The following FAT1 variants were observed in gnomAD, a reference collection of about 807,000 sequenced individuals.
FAT1 encodes FAT atypical cadherin 1, also known as protocadherin Fat 1.
FAT1 carries 171 observed loss-of-function variants against 329.8 expected under a neutral mutation model. That is an observed-to-expected ratio of 0.52 (90% confidence interval 0.46 to 0.59). The LOEUF is 0.59. Among genes scored for constraint, FAT1 ranks in the 20% least tolerant of loss-of-function variants. FAT1 has a pLI of 0.00. For synonymous variants in FAT1, 2,233 were observed against 2,228.6 expected (o/e 1.00, Z -0.06); for missense variants, 5,672 against 5,774.4 (o/e 0.98, Z 0.57).
chr4:186,622,303 T>C (rs1405289164), intron 9 of FAT1, among the ~76,000 whole-genome samples: 3 of 152,246 alleles, frequency 2.0e-5, no homozygotes, highest in Non-Finnish European at 2.9e-5. Flanking sequence ...GTTTTGAAGA[T>C]TGCAACAACA....
In FAT1 at chr4:186,614,260, A is replaced by G. The variant is rs375045636; in HGVS notation, c.9160T>C (p.Ser3054Pro). 50 of 1,604,120 alleles carry G rather than the reference A, an allele frequency of 3.1e-5. No homozygotes were observed. Among genetic ancestry groups the G allele is most frequent in the Non-Finnish European group, 4.2e-5 (49 of 1,176,900 alleles). The change falls in exon 12 of 27, where the codon TCT becomes CCT. Residue 3054 changes from serine (S) to proline (P), a missense_variant. Ser to Pro is a moderately conservative substitution (Grantham distance 74). Around this residue, in one of 2 missense-constraint regions of FAT1, gnomAD observed 3,966 missense variants for 3,915.2 expected, o/e 1.01. Coordinates refer to ENST00000441802, the MANE Select transcript of FAT1 (RefSeq NM_005245.4). Reference protein sequence around the residue: ...QISATDADIRSNAEITYTLLG... With the variant: ...QISATDADIRPNAEITYTLLG... ...AACGTGTAAGTAATTTCAGCGTTAG[A>G]GCGGATGTCTGCGTCTGTAGCAGAG...
intron 2 of FAT1, among the ~76,000 whole-genome samples, chr4:186,706,196 A>G (rs1247356428): frequency 6.6e-6 from 1 of 152,264 alleles, no homozygotes; most frequent in Non-Finnish European, 1.5e-5. Flanking sequence ...CTGCAAATAC[A>G]CTGACTGAAA....
chr4:186,598,783 A>T (rs1163169929), intron 22 of FAT1: 1 of 152,338 alleles, frequency 6.6e-6, no homozygotes. Flanking sequence ...TCAGCCTCTC[A>T]AACATGTAAA....
chr4:186,673,366 T>C (rs539058089), intron 2 of FAT1, among the ~76,000 whole-genome samples: 2 of 152,350 alleles, frequency 1.3e-5, no homozygotes, highest in Non-Finnish European at 2.9e-5. Flanking sequence ...TGTCTATGTC[T>C]TAGATGTACT....
intron 3 of FAT1, among the ~76,000 whole-genome samples, chr4:186,651,107 A>G (rs1171346503): frequency 1.4e-5 from 2 of 147,922 alleles, no homozygotes; most frequent in Non-Finnish European, 3.0e-5. Context: ...ATTATTATTC[A>G]TAAATTAATA....
chr4:186,689,754 TC>T (rs1461980733), intron 2 of FAT1, among the ~76,000 whole-genome samples: 1 of 152,054 alleles, frequency 6.6e-6, no homozygotes, highest in Non-Finnish European at 1.5e-5. Flanking sequence ...ACTTAACTCT[TC>T]CACTTCCTTT....
At position 186,707,520 on chromosome 4, in the gene FAT1, C is replaced by T. The variant is rs2126689246; in HGVS notation, c.2308G>A (p.Glu770Lys). ...GATAAAATTTTCAGCATTCCTGTTT[C>T]CATATCAATCATGAAGCAACTATCC... ...NEDSCFMIDM[E>K]TGMLKILSPL... The change falls in exon 2 of 27, where the codon GAA becomes AAA. Residue 770 changes from glutamate (E) to lysine (K), a missense_variant. Glu to Lys is a moderately conservative substitution (Grantham distance 56). Around this residue, in one of 2 missense-constraint regions of FAT1, gnomAD observed 3,966 missense variants for 3,915.2 expected, o/e 1.01. Coordinates refer to ENST00000441802, the MANE Select transcript of FAT1 (RefSeq NM_005245.4). 3 of 1,613,986 alleles carry T rather than the reference C, an allele frequency of 1.9e-6. No individual in the cohort carries two copies. The highest frequency in any genetic ancestry group is 2.5e-6 in the Non-Finnish European group (3 of 1,179,890).
At chr4:186,654,777 G>A (rs747242686) in intron 3 of FAT1, among the ~76,000 whole-genome samples, 1 of 152,068 alleles carries the variant, frequency 6.6e-6, no homozygotes, top group African/African-American at 2.4e-5. Flanking sequence ...TGGTCGTGGT[G>A]GTGCAGGTCT....
At chr4:186,636,295 G>T in intron 5 of FAT1, 60 bp from the exon 6 acceptor site, 2 of 1,473,714 alleles carry the variant, frequency 1.4e-6, no homozygotes, top group South Asian at 1.1e-5. Flanking sequence ...ACCCAGAAAT[G>T]AATGAAGCAC....
At chr4:186,699,185 A>G (rs1285198831) in intron 2 of FAT1, among the ~76,000 whole-genome samples, 2 of 152,210 alleles carry the variant, frequency 1.3e-5, no homozygotes, top group Non-Finnish European at 1.5e-5. Flanking sequence ...GAAAAAGCTT[A>G]CCTGTGATAA....
In FAT1 at chr4:186,708,475, C is replaced by T. The variant is rs776491596; in HGVS notation, c.1353G>A (p.Val451=). ...SDRKASTKVL[V]KVLGANSNPP... ...GATTGCTATTTGCACCTAAGACTTTCACCAAGACCTTGGTGGACGCTTTTC... is the reference window on the plus strand; with the variant it reads ...GATTGCTATTTGCACCTAAGACTTTTACCAAGACCTTGGTGGACGCTTTTC... Residue 451 remains valine (V), a synonymous_variant, in exon 2 of 27, where the codon GTG becomes GTA. Transcript: ENST00000441802. 3 of 1,614,016 alleles carry T rather than the reference C, an allele frequency of 1.9e-6. No homozygotes were observed. In the Admixed American group the frequency reaches 5.0e-5, roughly 27 times the overall value.
In FAT1 at chr4:186,619,505, T is replaced by G; in HGVS notation, c.7081A>C (p.Arg2361=). The stretch of plus-strand genomic sequence containing the variant: ...GTGGGCATACCACCATCAACTGCCC[T>G]CACAAAAATCGTGTGCTGCCGGGAC... ...EQSRQHTIFV[R]AVDGGMPTLS... The change falls in exon 10 of 27, where the codon AGG becomes CGG. Residue 2361 remains arginine, a synonymous_variant. Transcript: ENST00000441802. 3 of 1,613,940 alleles carry G rather than the reference T, an allele frequency of 1.9e-6. No homozygotes were observed. Among genetic ancestry groups the G allele is most frequent in the Non-Finnish European group, 2.5e-6 (3 of 1,179,886 alleles).
At chr4:186,701,430 G>A (rs1335325657) in intron 2 of FAT1, among the ~76,000 whole-genome samples, 3 of 152,194 alleles carry the variant, frequency 2.0e-5, no homozygotes, top group Non-Finnish European at 2.9e-5. Flanking sequence ...AGAACATAAA[G>A]AGCCAAGAGG....
In FAT1 at chr4:186,709,577, T is replaced by C. The variant is rs774253076; in HGVS notation, c.251A>G (p.Lys84Arg). 3.2e-5 allele frequency: 51 copies of C among 1,613,926 alleles called. No homozygotes were observed. Among genetic ancestry groups the C allele is most frequent in the African/African-American group, 4.0e-5 (3 of 74,916 alleles). Reference protein sequence around the residue: ...IVSGDSENLFKAEEYILGDFC... With the variant: ...IVSGDSENLFRAEEYILGDFC... Reference sequence around the variant, plus strand: ...GTCTCCGAGAATGTACTCTTCAGCTTTGAACAGGTTTTCACTGTCTCCGGA... The same window carrying C: ...GTCTCCGAGAATGTACTCTTCAGCTCTGAACAGGTTTTCACTGTCTCCGGA... The change falls in exon 2 of 27, where the codon AAA becomes AGA. Residue 84 changes from lysine (K) to arginine (R), a missense_variant. Transcript: ENST00000441802.
At chr4:186,591,627 T>C (rs1579282891) in intron 26 of FAT1, among the ~76,000 whole-genome samples, 1 of 152,338 alleles carries the variant, frequency 6.6e-6, no homozygotes, top group African/African-American at 2.4e-5. Context: ...TTCAATAATA[T>C]TTAAAATGCT....
Position 186,621,178 on chromosome 4 carries a change from G to C in FAT1, c.5408C>G (p.Ser1803Ter), listed in dbSNP as rs2126522852. 3 of 1,613,976 alleles carry C rather than the reference G, an allele frequency of 1.9e-6. No individual in the cohort carries two copies. Among genetic ancestry groups the C allele is most frequent in the Non-Finnish European group, 2.5e-6 (3 of 1,179,900 alleles). The part of the protein sequence containing the change: ...VIRAADADKD[S>*]NALLVYHIVE... ...AATGTGATATACAAGCAAAGCATTT[G>C]AGTCTTTATCAGCATCAGCTGCTCG... The change falls in exon 10 of 27, where the codon TCA becomes TGA. Residue 1803 changes from serine to a stop codon, truncating the protein, a stop_gained. Transcript: ENST00000441802. LOFTEE classifies it high-confidence loss of function.
rs898000299 is a variant in FAT1 at position 186,708,872 on chromosome 4, G to A, written c.956C>T (p.Ala319Val). Residue 319 changes from alanine to valine, a missense_variant, in exon 2 of 27, where the codon GCC becomes GTC. Transcript: ENST00000441802. ...ACTGTCCCAATCAATGCCACCGATGGCTTTGACTTTATACTCCTTACTCCC... is the reference window on the plus strand; with the variant it reads ...ACTGTCCCAATCAATGCCACCGATGACTTTGACTTTATACTCCTTACTCCC... ...FPGSKEYKVK[A>V]IGGIDWDSHP... The A allele has an allele frequency of 1.9e-6, 3 of 1,613,796 alleles. No homozygotes were observed. In the African/African-American group the frequency reaches 4.0e-5, roughly 22 times the overall value.
chr4:186,684,802 CTG>C (rs1351726382), intron 2 of FAT1, among the ~76,000 whole-genome samples: 2 of 152,072 alleles, frequency 1.3e-5, no homozygotes, highest in Non-Finnish European at 2.9e-5. Context: ...ACGGTCACCT[CTG>C]GATAGGGCGT....
Position 186,618,227 on chromosome 4 carries a change from G to A in FAT1, c.8359C>T (p.His2787Tyr), listed in dbSNP as rs2126492621. 6.2e-7 allele frequency: 1 copy of A among 1,613,984 alleles called. No homozygotes were observed. Residue 2787 changes from histidine (H) to tyrosine (Y), a missense_variant, in exon 10 of 27, where the codon CAT becomes TAT. Around this residue, in one of 2 missense-constraint regions of FAT1, gnomAD observed 3,966 missense variants for 3,915.2 expected, o/e 1.01. Transcript: ENST00000441802. Reference protein sequence around the residue: ...SILARCTQDDHEMVASVDVSI... With the variant: ...SILARCTQDDYEMVASVDVSI... The stretch of plus-strand genomic sequence containing the variant: ...ACATCTACAGAAGCCACCATCTCAT[G>A]GTCATCTTGAGTGCACCTGGCCAGT...
Sources: gnomAD v4.1 joint callset for allele counts (sites outside exome capture counted in the v4.1 genomes callset) on GRCh38, gnomAD v4.1.1 for gene constraint, gnomAD v4.1.1 regional missense constraint, MANE v1.5 for transcripts, NCBI Gene and HGNC (gene_info 2026-07-23, HGNC 2026-07-21) for gene names.